NLGN4X: variants seen among roughly 807,000 people sequenced by gnomAD.
NLGN4X encodes neuroligin 4 X-linked, also known as neuroligin-4, X-linked.
A neutral mutation model predicts 40.3 loss-of-function variants in NLGN4X; 3 were observed. The ratio of observed to expected loss-of-function variants is 0.07; its 90% CI spans 0.03 to 0.19. The LOEUF (loss-of-function observed/expected upper bound fraction) is 0.19, where lower values mean the gene tolerates loss of function less well. NLGN4X is among the 10% of genes least tolerant of loss of function. The pLI, the probability that NLGN4X is intolerant of heterozygous loss-of-function variation, is 1.00. For synonymous variants in NLGN4X, 270 were observed against 306.8 expected (o/e 0.88, Z 1.25); for missense variants, 382 against 708.3 (o/e 0.54, Z 5.23).
intron 3 of NLGN4X, among the ~76,000 whole-genome samples, chrX:5,956,678 C>T (rs1216061321): frequency 1.8e-5 from 2 of 111,451 alleles, no homozygotes; most frequent in African/African-American, 3.3e-5. Context: ...AGCACCAGCA[C>T]GTGCATCACC....
At chrX:6,225,681 C>CTTTCTTTTTTTTTTTTT (rs1926162512) in intron 1 of NLGN4X, among the ~76,000 whole-genome samples, 1 of 33,810 alleles carries the variant, frequency 3.0e-5, no homozygotes, top group Non-Finnish European at 5.0e-5. Flanking sequence ...TTTTTTCTTT[C>CTTTCTTTTTTTTTTTTT]TTTTTTTCTT....
intron 3 of NLGN4X, among the ~76,000 whole-genome samples, chrX:5,973,078 CA>C (rs1161374121): frequency 2.7e-5 from 3 of 112,354 alleles, no homozygotes; most frequent in African/African-American, 9.7e-5. Context: ...ATGTAATTAA[CA>C]GGAAAAAAAT....
chrX:5,937,852 T>C (rs745772279), intron 3 of NLGN4X, among the ~76,000 whole-genome samples: 1 of 112,296 alleles, frequency 8.9e-6, no homozygotes. Context: ...AGATTATGGA[T>C]GAAAGTTTCA....
At chrX:6,108,557 T>C (rs2039081014) in intron 2 of NLGN4X, among the ~76,000 whole-genome samples, 1 of 110,588 alleles carries the variant, frequency 9.0e-6, no homozygotes, top group South Asian at 3.9e-4. Context: ...TGTGCATATG[T>C]AGTACCAGCT....
intron 2 of NLGN4X, among the ~76,000 whole-genome samples, chrX:6,144,986 T>C (rs2040017671): frequency 9.0e-6 from 1 of 110,886 alleles, no homozygotes; most frequent in East Asian, 2.9e-4. Flanking sequence ...CAAGTACCTA[T>C]CTCTCAAAAT....
At chrX:5,937,875 C>T (rs1361475965) in intron 3 of NLGN4X, among the ~76,000 whole-genome samples, 1 of 112,292 alleles carries the variant, frequency 8.9e-6, no homozygotes, top group African/African-American at 3.2e-5. Context: ...ATCTTGTTCT[C>T]TAATGGTTGC....
chrX:6,180,258 T>A (rs147828247), intron 1 of NLGN4X, among the ~76,000 whole-genome samples: 1,378 of 111,466 alleles, frequency 0.012, 29 homozygotes, highest in African/African-American at 0.042. Context: ...TAATTCCCAG[T>A]GATGGAGGTG....
chrX:6,067,908 A>G (rs1198285741), intron 2 of NLGN4X, among the ~76,000 whole-genome samples: 6 of 111,534 alleles, frequency 5.4e-5, no homozygotes, highest in Non-Finnish European at 9.4e-5. Flanking sequence ...GAGGACAGAA[A>G]CATAAAACAG....
At chrX:6,218,983 C>A (rs904153957) in intron 1 of NLGN4X, among the ~76,000 whole-genome samples, 1 of 54,897 alleles carries the variant, frequency 1.8e-5, no homozygotes, top group Non-Finnish European at 3.5e-5. Flanking sequence ...ATCCCTGATT[C>A]GGGAGTTCTT....
chrX:6,124,549 G>A (rs1057395790), intron 2 of NLGN4X, among the ~76,000 whole-genome samples: 1 of 111,326 alleles, frequency 9.0e-6, no homozygotes, highest in Admixed American at 9.6e-5. Flanking sequence ...GGGCGTGGTG[G>A]TGTGCACCTG....
intron 1 of NLGN4X, among the ~76,000 whole-genome samples, chrX:6,212,179 A>G (rs766108153): frequency 9.3e-6 from 1 of 108,012 alleles, no homozygotes; most frequent in Admixed American, 1.0e-4. Flanking sequence ...CAGGAGGTGG[A>G]GGTTGCAGTG....
chrX:5,911,081 G>A (rs1266162640), intron 3 of NLGN4X, among the ~76,000 whole-genome samples: 3 of 111,672 alleles, frequency 2.7e-5, no homozygotes, highest in African/African-American at 6.5e-5. Context: ...AGAAAAGATC[G>A]AAGATCCTTA....
intron 3 of NLGN4X, among the ~76,000 whole-genome samples, chrX:5,978,264 GTC>G (rs773249257): frequency 2.8e-5 from 3 of 107,807 alleles, no homozygotes; most frequent in African/African-American, 1.0e-4. Context: ...AAAGACAGGC[GTC>G]TCTTTTTTTC....
intron 1 of NLGN4X, among the ~76,000 whole-genome samples, chrX:6,226,323 GAA>G (rs369852590): frequency 9.8e-6 from 1 of 102,164 alleles, no homozygotes; most frequent in Non-Finnish European, 2.0e-5. Context: ...CCGCAGTCCG[GAA>G]AAAAAAAAAG....
intron 1 of NLGN4X, among the ~76,000 whole-genome samples, chrX:6,156,238 G>A (rs57736226): frequency 6.0e-4 from 66 of 110,865 alleles, no homozygotes; most frequent in African/African-American, 1.6e-3. Context: ...CAGCCGGCGC[G>A]GTGGCTCACG....
chrX:6,128,787 A>T (rs2039616968), intron 2 of NLGN4X, among the ~76,000 whole-genome samples: 2 of 112,329 alleles, frequency 1.8e-5, no homozygotes, highest in South Asian at 3.7e-4. Context: ...CCATGTAGCA[A>T]ACCTGCAAAT....
chrX:5,938,076 T>C (rs767776231), intron 3 of NLGN4X, among the ~76,000 whole-genome samples: 1 of 111,333 alleles, frequency 9.0e-6, no homozygotes, highest in South Asian at 3.8e-4. Context: ...AGTTCAGGTT[T>C]GGGTAACGAT....
intron 1 of NLGN4X, among the ~76,000 whole-genome samples, chrX:6,208,416 T>G (rs1266016279): frequency 8.9e-6 from 1 of 112,437 alleles, no homozygotes; most frequent in Non-Finnish European, 1.9e-5. Flanking sequence ...TTATATTAAC[T>G]GTCCCCAAAT....
Position 5,925,007 on chromosome X carries a change from TA to T in NLGN4X, c.626-15769del, listed in dbSNP as rs369126390. 2.9e-3 allele frequency among the ~76,000 whole-genome samples: 306 copies of T among 105,652 alleles called. 2 individuals are homozygous for T. Among genetic ancestry groups the T allele is most frequent in the African/African-American group, 8.5e-3 (250 of 29,263 alleles). The allele number at this position is 105,652 out of a possible 115,157, so 91.7% of individuals were successfully genotyped here. A position where few individuals can be genotyped will look rare whatever the true frequency, so the allele number is the denominator to read the frequency against. On this transcript the variant is annotated intron_variant, in intron 3 of 5. Transcript: ENST00000381095. ...CTTGTTCCCCTAAAACCTATGAAAA[TA>T]AAAAAAAAAATTTAAAGTCCCAATT...
Sources: allele counts gnomAD v4.1 joint callset (sites outside exome capture counted in the v4.1 genomes callset), GRCh38; gene constraint gnomAD v4.1.1; transcripts MANE v1.5; gene names NCBI Gene and HGNC (gene_info 2026-07-23, HGNC 2026-07-21).